ENTPD1: variants seen among roughly 807,000 people sequenced by gnomAD.
ENTPD1 encodes the protein ectonucleoside triphosphate diphosphohydrolase 1, also known as ATP diphosphohydrolase.
A neutral mutation model predicts 57.0 loss-of-function variants in ENTPD1; 33 were observed. That is an observed-to-expected ratio of 0.58 (90% confidence interval 0.44 to 0.77). ENTPD1 has a LOEUF of 0.77. ENTPD1 is among the 30% of genes least tolerant of loss of function. The probability of loss-of-function intolerance (pLI) is 0.00; values close to 1 mark genes in which losing one functional copy is unlikely to be tolerated. For synonymous variants in ENTPD1, 202 were observed against 218.8 expected, an observed-to-expected ratio of 0.92 and a Z score of 0.68; for missense variants, 501 against 603.4, an observed-to-expected ratio of 0.83 and a Z score of 1.78.
chr10:95,740,492 A>C (rs917648239), intron 1 of ENTPD1, among the ~76,000 whole-genome samples: 1 of 152,194 alleles, frequency 6.6e-6, no homozygotes, highest in African/African-American at 2.4e-5. Flanking sequence ...TTTAACTTAA[A>C]GTCACCAGCT....
chr10:95,823,177 G>A (rs937342069), intron 1 of ENTPD1, 60 bp from the exon 2 acceptor site: 4 of 1,606,964 alleles, frequency 2.5e-6, no homozygotes, highest in South Asian at 1.1e-5. Context: ...ACAGAAAGGG[G>A]AGGAAAATCA....
intron 1 of ENTPD1, among the ~76,000 whole-genome samples, chr10:95,741,653 A>C (rs1222308514): frequency 1.3e-5 from 2 of 152,202 alleles, no homozygotes; most frequent in African/African-American, 4.8e-5. Context: ...AACATAAAAT[A>C]TGAAAAATCA....
chr10:95,726,670 G>C (rs1353260679), intron 1 of ENTPD1, among the ~76,000 whole-genome samples: 3 of 152,182 alleles, frequency 2.0e-5, no homozygotes, highest in Non-Finnish European at 4.4e-5. Context: ...TAAAAGTAAA[G>C]TGTTGTTTCT....
At chr10:95,755,434 C>T (rs892200404), upstream of ENTPD1, 3 of 434,744 alleles carry the variant, frequency 6.9e-6, no homozygotes, top group African/African-American at 6.0e-5. Flanking sequence ...ATAATTTGGT[C>T]AGGCTCTCAT....
At chr10:95,773,865 G>T (rs1330099424) in intron 1 of ENTPD1, among the ~76,000 whole-genome samples, 1 of 152,136 alleles carries the variant, frequency 6.6e-6, no homozygotes, top group Non-Finnish European at 1.5e-5. Flanking sequence ...GGGATTGCTG[G>T]GTCAAATGGT....
chr10:95,865,921 C>T (rs1486620102), intron 9 of ENTPD1, among the ~76,000 whole-genome samples: 2 of 152,092 alleles, frequency 1.3e-5, no homozygotes, highest in Non-Finnish European at 2.9e-5. Flanking sequence ...ACATGTTCCA[C>T]CGTGCCCAGC....
rs1431887472 is a variant in ENTPD1 at position 95,872,356 on chromosome 10, C to T, written c.*5973C>T. The T allele has an allele frequency of 4.1e-6, 4 of 985,336 alleles. No homozygotes were observed. In the African/African-American group the frequency reaches 5.2e-5, roughly 13 times the overall value. 61.0% of individuals were successfully genotyped at this position (985,336 alleles called of 1,614,324 possible). The stretch of plus-strand genomic sequence containing the variant: ...CTCTCTCCAGGCTCATATCCCACTC[C>T]ACTCCTCTGATGTTTCCTACACTAC... On this transcript the variant is annotated 3_prime_UTR_variant, in exon 10 of 10. Transcript: ENST00000371205.
intron 1 of ENTPD1, among the ~76,000 whole-genome samples, chr10:95,774,585 G>A (rs2098126794): frequency 1.3e-5 from 2 of 152,122 alleles, no homozygotes; most frequent in Non-Finnish European, 2.9e-5. Context: ...TATTAAATAG[G>A]GAATCATTTC....
rs115873234 is a variant in ENTPD1 at position 95,813,521 on chromosome 10, A to G, written c.17-9716A>G. 3.3e-3 allele frequency among the ~76,000 whole-genome samples: 503 copies of G among 152,234 alleles called. 2 individuals carry two copies. Among genetic ancestry groups the G allele is most frequent in the African/African-American group, 0.011 (476 of 41,532 alleles). ...TGGGGCAGCATCAGGGAGTCGGTTGATATCAGTGGTGGAGCCTTTTGAAAG... is the reference window on the plus strand; with the variant it reads ...TGGGGCAGCATCAGGGAGTCGGTTGGTATCAGTGGTGGAGCCTTTTGAAAG... On this transcript the variant is annotated intron_variant, in intron 1 of 9. Transcript: ENST00000371205.
chr10:95,818,713 T>A (rs184946639), intron 1 of ENTPD1, among the ~76,000 whole-genome samples: 3 of 152,060 alleles, frequency 2.0e-5, no homozygotes, highest in South Asian at 2.1e-4. Context: ...TCAAGAAGAG[T>A]TCCCTGATGG....
At chr10:95,822,506 T>C (rs1370881735) in intron 1 of ENTPD1, among the ~76,000 whole-genome samples, 1 of 150,536 alleles carries the variant, frequency 6.6e-6, no homozygotes, top group African/African-American at 2.4e-5. Context: ...CATATTGACC[T>C]GGCTGGTCTT....
chr10:95,747,929 T>G (rs2098007793), intron 1 of ENTPD1, among the ~76,000 whole-genome samples: 2 of 152,000 alleles, frequency 1.3e-5, no homozygotes, highest in Non-Finnish European at 2.9e-5. Flanking sequence ...TGGAGTGCAG[T>G]GGCACCATCT....
chr10:95,868,049 T>G lies in ENTPD1; in HGVS notation c.*1666T>G, dbSNP rs2098476332. On this transcript the variant is annotated 3_prime_UTR_variant, in exon 10 of 10. Coordinates refer to ENST00000371205, the MANE Select transcript of ENTPD1 (RefSeq NM_001776.6). ...TCATCGCTGCTGTTGGTTGAGCATT[T>G]GTGGTGTACCACGCTGTGTGCTCAA... 1 of 985,278 alleles carries G rather than the reference T, an allele frequency of 1.0e-6. No homozygotes were observed. Among genetic ancestry groups the G allele is most frequent in the African/African-American group, 1.7e-5 (1 of 57,268 alleles). The allele number at this position is 985,278 out of a possible 1,614,324, so 61.0% of individuals were successfully genotyped here. A position where few individuals can be genotyped will look rare whatever the true frequency, so the allele number is the denominator to read the frequency against.
chr10:95,841,365 C>T (rs2098422255), intron 3 of ENTPD1, among the ~76,000 whole-genome samples: 2 of 150,586 alleles, frequency 1.3e-5, no homozygotes, highest in Admixed American at 6.6e-5. Flanking sequence ...CCAGCCTGGG[C>T]GACAGAGCAA....
At chr10:95,761,397 C>T (rs553574903) in intron 1 of ENTPD1, among the ~76,000 whole-genome samples, 1 of 152,232 alleles carries the variant, frequency 6.6e-6, no homozygotes, top group East Asian at 1.9e-4. Context: ...TAACAAGTTC[C>T]CAGGCGATGA....
intron 1 of ENTPD1, among the ~76,000 whole-genome samples, chr10:95,729,509 A>G (rs1589650636): frequency 6.6e-6 from 1 of 152,218 alleles, no homozygotes; most frequent in South Asian, 2.1e-4. Flanking sequence ...GTAAAGAGAT[A>G]ACAGCTAGAA....
intron 9 of ENTPD1, among the ~76,000 whole-genome samples, chr10:95,865,155 C>A (rs553533950): frequency 6.6e-6 from 1 of 152,324 alleles, no homozygotes; most frequent in South Asian, 2.1e-4. Context: ...AAAGTAACAG[C>A]ATTTCAGCAG....
In ENTPD1 at chr10:95,873,654, A is replaced by G. The variant is rs1327662115; in HGVS notation, c.*7271A>G. ...TCACTCTACTAGGGATGAAACAGCT[A>G]ATCATGTTCAATAGTTACATTTAGA... On this transcript the variant is annotated 3_prime_UTR_variant, in exon 10 of 10. Coordinates refer to ENST00000371205, the MANE Select transcript of ENTPD1 (RefSeq NM_001776.6). 1 of 985,454 alleles carries G rather than the reference A, an allele frequency of 1.0e-6. No individual in the cohort carries two copies. Among genetic ancestry groups the G allele is most frequent in the Non-Finnish European group, 1.2e-6 (1 of 829,924 alleles). 61.0% of individuals were successfully genotyped at this position (985,454 alleles called of 1,614,324 possible).
At chr10:95,743,466 G>C (rs1333568596) in intron 1 of ENTPD1, among the ~76,000 whole-genome samples, 1 of 152,192 alleles carries the variant, frequency 6.6e-6, no homozygotes, top group African/African-American at 2.4e-5. Context: ...CCATACTTAA[G>C]GAGTGAGGAG....
Sources: allele counts gnomAD v4.1 joint callset (sites outside exome capture counted in the v4.1 genomes callset), GRCh38; gene constraint gnomAD v4.1.1; transcripts MANE v1.5; gene names NCBI Gene and HGNC (gene_info 2026-07-23, HGNC 2026-07-21).